HDAC2: variants seen among roughly 807,000 people sequenced by gnomAD.
HDAC2 encodes the protein histone deacetylase 2.
HDAC2 carries 5 observed loss-of-function variants against 68.5 expected under a neutral mutation model. The ratio of observed to expected loss-of-function variants is 0.07; its 90% confidence interval spans 0.04 to 0.15. The LOEUF (loss-of-function observed/expected upper bound fraction) is 0.15, where lower values mean the gene tolerates loss of function less well. HDAC2 is among the 10% of genes least tolerant of loss of function. HDAC2 has a pLI of 1.00. For synonymous variants in HDAC2, 182 were observed against 191.3 expected, an observed-to-expected ratio of 0.95 and a Z score of 0.40; for missense variants, 291 against 600.8, an observed-to-expected ratio of 0.48 and a Z score of 5.39.
intron 5 of HDAC2, among the ~76,000 whole-genome samples, chr6:113,955,553 T>G (rs1295950511): frequency 1.3e-5 from 2 of 152,010 alleles, no homozygotes; most frequent in Non-Finnish European, 2.9e-5. Flanking sequence ...GGTCTCACAC[T>G]GTTGCCCAGG....
rs748712288 is a variant in HDAC2, at chr6:113,956,150, A to G, written c.360T>C (p.Ala120=). 2 of 1,595,856 alleles carry G rather than the reference A, an allele frequency of 1.3e-6. No homozygotes were observed. Among genetic ancestry groups the G allele is most frequent in the East Asian group, 4.5e-5 (2 of 44,624 alleles). The part of the protein sequence containing the change: ...FCQLSTGGSV[A]GAVKLNRQQT... Reference sequence around the variant, plus strand: ...GTTGTCGGTTTAACTTCACAGCTCCAGCTAAGAAGTAGAAACAAGATAGAC... The same window carrying G: ...GTTGTCGGTTTAACTTCACAGCTCCGGCTAAGAAGTAGAAACAAGATAGAC... Residue 120 remains alanine (A), a splice_region_variant and synonymous_variant, in exon 5 of 14, where the codon GCT becomes GCC. Transcript: ENST00000519065.
At chr6:113,964,982 C>G (rs1435472305) in intron 1 of HDAC2, among the ~76,000 whole-genome samples, 1 of 152,204 alleles carries the variant, frequency 6.6e-6, no homozygotes, top group African/African-American at 2.4e-5. Flanking sequence ...ATGTCTATTT[C>G]TATCTAAAAT....
intron 6 of HDAC2, 165 bp from the exon 7 acceptor site, chr6:113,949,425 AAAC>A (rs1314869472): frequency 1.6e-5 from 10 of 612,906 alleles, no homozygotes; most frequent in East Asian, 5.5e-5. Flanking sequence ...AGGAAATAAT[AAAC>A]AACAAATAAG....
intron 9 of HDAC2, 93 bp downstream of exon 9, chr6:113,945,915 T>C (rs1776254480): frequency 2.1e-6 from 2 of 962,966 alleles, no homozygotes; most frequent in South Asian, 2.9e-5. Context: ...TTTCAACTTA[T>C]GATGGGTTTA....
intron 1 of HDAC2, among the ~76,000 whole-genome samples, chr6:113,962,844 G>C (rs1216545299): frequency 6.6e-6 from 1 of 151,048 alleles, no homozygotes; most frequent in Non-Finnish European, 1.5e-5. Context: ...TGCGCCTGTA[G>C]TCCCAGCTGC....
chr6:113,969,701 T>C (rs962217248), intron 1 of HDAC2: 2 of 152,234 alleles, frequency 1.3e-5, no homozygotes, highest in Non-Finnish European at 2.9e-5. Context: ...GATTCGAAGA[T>C]TTAATGTTAC....
chr6:113,946,888 T>C (rs767762895), intron 8 of HDAC2: 1 of 152,046 alleles, frequency 6.6e-6, no homozygotes, highest in Non-Finnish European at 1.5e-5. Context: ...GAAGAGTATT[T>C]GGGAAAAAAT....
Position 113,939,724 on chromosome 6 carries a change from G to A in HDAC2, c.*1334C>T, listed in dbSNP as rs1776087465. The A allele has an allele frequency of 6.6e-6, 1 of 152,096 alleles. No individual in the cohort carries two copies. Among genetic ancestry groups the A allele is most frequent in the South Asian group, 2.1e-4 (1 of 4,826 alleles). 9.4% of individuals were successfully genotyped at this position (152,096 alleles called of 1,614,324 possible). Reference sequence around the variant, plus strand: ...TTACAAACGACAAAGTACACAAAGAGAGCTTCAATTTCGGTGTATTTTAAG... The same window carrying A: ...TTACAAACGACAAAGTACACAAAGAAAGCTTCAATTTCGGTGTATTTTAAG... On this transcript the variant is annotated 3_prime_UTR_variant, in exon 14 of 14. Coordinates refer to ENST00000519065, the MANE Select transcript of HDAC2 (RefSeq NM_001527.4).
At position 113,937,267 on chromosome 6, in the gene HDAC2, G is replaced by A. The variant is rs921926445; in HGVS notation, c.*3791C>T. On this transcript the variant is annotated 3_prime_UTR_variant, in exon 14 of 14. Transcript: ENST00000519065. ...CGCAGTTATCAAAAAAACTTCAGCA[G>A]TATTACTACATCAAAACCATAAAAA... is the stretch of plus-strand genomic sequence containing the variant. 6.6e-6 allele frequency: 1 copy of A among 152,282 alleles called. No homozygotes were observed. The highest frequency in any genetic ancestry group is 1.9e-4 in the East Asian group (1 of 5,186). 9.4% of individuals were successfully genotyped at this position (152,282 alleles called of 1,614,324 possible).
At chr6:113,959,827 A>G (rs552107180) in intron 2 of HDAC2, 79 bp downstream of exon 2, 1 of 692,930 alleles carries the variant, frequency 1.4e-6, no homozygotes, top group South Asian at 1.8e-5. Flanking sequence ...TCAAAAGGGG[A>G]ATAATAGACA....
rs1412118579 is a variant in HDAC2 at position 113,935,558 on chromosome 6, AC to A, written c.*5499del. ...TTATCAATAGAATAAAAAATCCACA[AC>A]ACAAAAACAGATTAGAGTCTTCTTT... On this transcript the variant is annotated 3_prime_UTR_variant, in exon 14 of 14. Transcript: ENST00000519065. 7 of 152,354 alleles carry A rather than the reference AC, an allele frequency of 4.6e-5. No homozygotes were observed. The highest frequency in any genetic ancestry group is 2.6e-4 in the Admixed American group (4 of 15,304). The allele number at this position is 152,354 out of a possible 1,614,324, so 9.4% of individuals were successfully genotyped here.
chr6:113,943,046 T>C (rs1382706801), intron 12 of HDAC2, among the ~76,000 whole-genome samples: 1 of 152,170 alleles, frequency 6.6e-6, no homozygotes, highest in Admixed American at 6.5e-5. Context: ...GCACTACCAA[T>C]AGATTCATAA....
chr6:113,947,233 C>T (rs1319724763), intron 8 of HDAC2: 1 of 152,088 alleles, frequency 6.6e-6, no homozygotes, highest in Non-Finnish European at 1.5e-5. Context: ...GTTTACTTTT[C>T]CTTCATCCCA....
intron 6 of HDAC2, among the ~76,000 whole-genome samples, chr6:113,951,536 C>T (rs1032820289): frequency 6.8e-6 from 1 of 148,116 alleles, no homozygotes; most frequent in African/African-American, 2.5e-5. Flanking sequence ...GGAGCGATCT[C>T]GGCTCACAGC....
Position 113,952,801 on chromosome 6 carries a change from C to G in HDAC2, c.639+476G>C, listed in dbSNP as rs972045324. On this transcript the variant is annotated intron_variant, in intron 6 of 13. Coordinates refer to ENST00000519065, the MANE Select transcript of HDAC2 (RefSeq NM_001527.4). ...GCAGGCAAGGTTACACTATGGTATC[C>G]TTTCTCTACCTAAATACATTACCAA... is the stretch of plus-strand genomic sequence containing the variant. Among the ~76,000 whole-genome samples the G allele has an allele frequency of 2.6e-5, 4 of 151,968 alleles. No individual in the cohort carries two copies. In the East Asian group the frequency reaches 7.7e-4, roughly 29 times the overall value.
intron 1 of HDAC2, among the ~76,000 whole-genome samples, chr6:113,967,629 A>G (rs1190358803): frequency 6.6e-6 from 1 of 152,182 alleles, no homozygotes; most frequent in Non-Finnish European, 1.5e-5. Flanking sequence ...AACAAGCACT[A>G]AATATGTTTG....
At chr6:113,959,754 T>G (rs1212239656) in intron 2 of HDAC2, 152 bp downstream of exon 2, 3 of 538,670 alleles carry the variant, frequency 5.6e-6, no homozygotes, top group Non-Finnish European at 9.9e-6. Flanking sequence ...CTTATTCATC[T>G]CCTAAGAATA....
intron 2 of HDAC2, chr6:113,959,642 T>C (rs1776634634): frequency 4.4e-6 from 1 of 228,746 alleles, no homozygotes; most frequent in Non-Finnish European, 8.4e-6. Flanking sequence ...TACACTGAGT[T>C]GTTGCTATAC....
intron 8 of HDAC2, chr6:113,946,921 T>C (rs1167939923): frequency 6.6e-6 from 1 of 152,088 alleles, no homozygotes; most frequent in African/African-American, 2.4e-5. Context: ...ATGAAAAAAC[T>C]AACCACCTAA....
Sources: gnomAD v4.1 joint callset for allele counts (sites outside exome capture counted in the v4.1 genomes callset) on GRCh38, gnomAD v4.1.1 for gene constraint, MANE v1.5 for transcripts, NCBI Gene and HGNC (gene_info 2026-07-23, HGNC 2026-07-21) for gene names.